The following PRKAR1A variants were observed in gnomAD, a reference collection of about 807,000 sequenced individuals.
PRKAR1A encodes the protein cAMP-dependent protein kinase type I-alpha regulatory subunit.
PRKAR1A carries 3 observed loss-of-function variants against 52.0 expected under a neutral mutation model. The ratio of observed to expected loss-of-function variants is 0.06; its 90% CI spans 0.03 to 0.15. The LOEUF (loss-of-function observed/expected upper bound fraction) is 0.15, where lower values mean the gene tolerates loss of function less well. PRKAR1A is among the 10% of genes least tolerant of loss of function. The probability of loss-of-function intolerance (pLI) is 1.00; values close to 1 mark genes in which losing one functional copy is unlikely to be tolerated. For synonymous variants in PRKAR1A, 188 were observed against 168.4 expected, an observed-to-expected ratio of 1.12 and a Z score of -0.90; for missense variants, 240 against 477.4, an observed-to-expected ratio of 0.50 and a Z score of 4.63.
chr17:68,443,898 A>C, the PRKAR1A span, among the ~76,000 whole-genome samples: 1 of 152,244 alleles, frequency 6.6e-6, no homozygotes, highest in Non-Finnish European at 1.5e-5. Flanking sequence ...TGATGAATTC[A>C]TATAATGTCA....
At chr17:68,460,208 T>A in the PRKAR1A span, among the ~76,000 whole-genome samples, 2 of 152,160 alleles carry the variant, frequency 1.3e-5, no homozygotes, top group African/African-American at 4.8e-5. Flanking sequence ...TGAGCCACAT[T>A]TTAAGTGTTC....
chr17:68,519,104 GTCT>G lies in PRKAR1A; in HGVS notation c.177+3535_177+3537del, dbSNP rs373696397. On this transcript the variant is annotated intron_variant, in intron 2 of 10. Transcript: ENST00000589228. ...GTTCCAAACTTTCCCACATTTTCCT[GTCT>G]TCTTCTGAGCCCTCCAGACTGTTCC... Among the ~76,000 whole-genome samples, 441 of 152,258 alleles carry G rather than the reference GTCT, an allele frequency of 2.9e-3. 2 individuals carry two copies. Among genetic ancestry groups the G allele is most frequent in the African/African-American group, 0.01 (420 of 41,542 alleles).
chr17:68,539,719 A>G (rs1200950616), intron 11 of PRKAR1A, among the ~76,000 whole-genome samples: 3 of 152,238 alleles, frequency 2.0e-5, no homozygotes, highest in Non-Finnish European at 4.4e-5. Flanking sequence ...TGGTTCTTGC[A>G]AAGGTAAAGA....
Position 68,532,291 on chromosome 17 carries a change from A to T in PRKAR1A, c.*1842A>T, listed in dbSNP as rs886053317. 9.5e-7 allele frequency: 1 copy of T among 1,048,484 alleles called. No individual in the cohort carries two copies. The highest frequency in any genetic ancestry group is 4.6e-5 in the South Asian group (1 of 21,558). The allele number at this position is 1,048,484 out of a possible 1,614,324, so 64.9% of individuals were successfully genotyped here. A position where few individuals can be genotyped will look rare whatever the true frequency, so the allele number is the denominator to read the frequency against. ...ATGCCAAAATGTACTTAAATGAGTTACTTAGAATGCCATAAAATTGCAGTT... is the reference window on the plus strand; with the variant it reads ...ATGCCAAAATGTACTTAAATGAGTTTCTTAGAATGCCATAAAATTGCAGTT... On this transcript the variant is annotated 3_prime_UTR_variant, in exon 11 of 11. Coordinates refer to ENST00000589228, the MANE Select transcript of PRKAR1A (RefSeq NM_002734.5).
At chr17:68,486,509 CTTT>C in the PRKAR1A span, among the ~76,000 whole-genome samples, 998 of 42,942 alleles carry the variant, frequency 0.023, 4 homozygotes, top group South Asian at 0.028. Context: ...TTCCTTCCTT[CTTT>C]CTTTCTTTCT....
intron 11 of PRKAR1A, among the ~76,000 whole-genome samples, chr17:68,546,056 C>T (rs1248496901): frequency 1.3e-5 from 2 of 151,250 alleles, no homozygotes; most frequent in Non-Finnish European, 2.9e-5. Flanking sequence ...GTAGTCCCAG[C>T]TACTTGGGAG....
chr17:68,468,038 G>A, the PRKAR1A span, among the ~76,000 whole-genome samples: 2 of 152,064 alleles, frequency 1.3e-5, no homozygotes, highest in South Asian at 4.2e-4. Context: ...TGGGACCACA[G>A]GCACATACTA....
the PRKAR1A span, chr17:68,448,185 C>T: frequency 6.6e-6 from 1 of 152,238 alleles, no homozygotes; most frequent in East Asian, 1.9e-4. Context: ...GGCAGTCCTC[C>T]CGGACACCAC....
At chr17:68,481,877 G>A in the PRKAR1A span, among the ~76,000 whole-genome samples, 16,651 of 152,300 alleles carry the variant, frequency 0.11, 931 homozygotes, top group Middle Eastern at 0.14. Context: ...ACCGAGATTT[G>A]TTGATTACGG....
At chr17:68,510,196 A>AGAGAGAGAGAGAGAGC (rs1600450203), upstream of PRKAR1A, among the ~76,000 whole-genome samples, 1 of 147,864 alleles carries the variant, frequency 6.8e-6, no homozygotes. Flanking sequence ...AGAGAGAGAG[A>AGAGAGAGAGAGAGAGC]TCTATCTATT....
At chr17:68,502,351 A>G in the PRKAR1A span, among the ~76,000 whole-genome samples, 4 of 151,562 alleles carry the variant, frequency 2.6e-5, no homozygotes, top group Admixed American at 2.0e-4. Flanking sequence ...AAAATTATTG[A>G]AAAAAAAAGT....
Position 68,532,171 on chromosome 17 carries a change from C to G in PRKAR1A, c.*1722C>G. 9.5e-7 allele frequency: 1 copy of G among 1,047,624 alleles called. No individual in the cohort carries two copies. The highest frequency in any genetic ancestry group is 1.2e-6 in the Non-Finnish European group (1 of 863,260). The allele number at this position is 1,047,624 out of a possible 1,614,324, so 64.9% of individuals were successfully genotyped here. Reference sequence around the variant, plus strand: ...TCTATATTAAATGAGGGTTTCTGATCTGTACTTTGTGTTTAGCTACCTTTT... The same window carrying G: ...TCTATATTAAATGAGGGTTTCTGATGTGTACTTTGTGTTTAGCTACCTTTT... On this transcript the variant is annotated 3_prime_UTR_variant, in exon 11 of 11. Coordinates refer to ENST00000589228, the MANE Select transcript of PRKAR1A (RefSeq NM_002734.5).
intron 1 of PRKAR1A, chr17:68,512,875 C>T (rs2085306543): frequency 6.6e-6 from 1 of 152,262 alleles, no homozygotes; most frequent in African/African-American, 2.4e-5. Flanking sequence ...CCGCGCGCCG[C>T]GGCCTCTTCG....
the PRKAR1A span, among the ~76,000 whole-genome samples, chr17:68,493,966 T>C: frequency 6.6e-6 from 1 of 152,154 alleles, no homozygotes; most frequent in Non-Finnish European, 1.5e-5. Flanking sequence ...AAATGGAGAA[T>C]GTGGCAACAT....
chr17:68,455,322 C>CA, the PRKAR1A span, among the ~76,000 whole-genome samples: 59 of 150,056 alleles, frequency 3.9e-4, 2 homozygotes, highest in African/African-American at 1.4e-3. Context: ...CAAGACCACA[C>CA]CACTGCACTC....
chr17:68,488,258 T>C, the PRKAR1A span, among the ~76,000 whole-genome samples: 1 of 151,998 alleles, frequency 6.6e-6, no homozygotes, highest in South Asian at 2.1e-4. Context: ...TGGAGAAAGG[T>C]GGGAGCAGGA....
chr17:68,445,872 A>ATGCCCAAGGAGC, the PRKAR1A span, among the ~76,000 whole-genome samples: 2 of 152,280 alleles, frequency 1.3e-5, no homozygotes, highest in South Asian at 2.1e-4. Flanking sequence ...TTAGACCTGG[A>ATGCCCAAGGAGC]TGCCCAAGGA....
chr17:68,525,152 A>G (rs562653437), intron 6 of PRKAR1A, among the ~76,000 whole-genome samples, 194 bp downstream of exon 6: 1 of 152,128 alleles, frequency 6.6e-6, no homozygotes, highest in African/African-American at 2.4e-5. Context: ...ACTTTGCTGG[A>G]GTGGTGGTGA....
chr17:68,525,604 ATTC>A (rs1181197279), intron 6 of PRKAR1A, 147 bp from the exon 7 acceptor site: 46 of 797,084 alleles, frequency 5.8e-5, no homozygotes, highest in East Asian at 1.1e-4. Flanking sequence ...GAAATCACCT[ATTC>A]TTCTCTGTTG....
Sources: gnomAD v4.1 joint callset for allele counts (sites outside exome capture counted in the v4.1 genomes callset) on GRCh38, gnomAD v4.1.1 for gene constraint, MANE v1.5 for transcripts, NCBI Gene and HGNC (gene_info 2026-07-23, HGNC 2026-07-21) for gene names.